The following SOBP variants were observed in gnomAD, a reference collection of about 807,000 sequenced individuals.
SOBP encodes sine oculis binding protein homolog.
Under a neutral mutation model 53.6 loss-of-function variants are expected in SOBP, and 4 were observed. The observed-to-expected ratio is 0.07, with a 90% CI of 0.04 to 0.17. The LOEUF is 0.17. Among genes scored for constraint, SOBP ranks in the 10% least tolerant of loss-of-function variants. The pLI is 1.00. For synonymous variants in SOBP, 584 were observed against 522.6 expected (o/e 1.12, Z -1.60); for missense variants, 1,088 against 1,204.7 (o/e 0.90, Z 1.43).
chr6:107,550,201 G>A (rs1244404739), intron 4 of SOBP, among the ~76,000 whole-genome samples: 2 of 152,236 alleles, frequency 1.3e-5, no homozygotes, highest in Non-Finnish European at 2.9e-5. Flanking sequence ...AAAGGCCAGA[G>A]AGAAGCATAA....
At chr6:107,531,628 A>AT (rs1202002604) in intron 3 of SOBP, among the ~76,000 whole-genome samples, 2 of 151,944 alleles carry the variant, frequency 1.3e-5, no homozygotes, top group African/African-American at 4.8e-5. Context: ...TTATTTTTAA[A>AT]TTTTTTTTGT....
At chr6:107,514,304 G>A (rs1783255300) in intron 3 of SOBP, 1 of 152,170 alleles carries the variant, frequency 6.6e-6, no homozygotes, top group African/African-American at 2.4e-5. Flanking sequence ...GGCAATTAAA[G>A]TGGAGTAGCA....
At chr6:107,623,007 A>G (rs1266114214) in intron 5 of SOBP, among the ~76,000 whole-genome samples, 1 of 152,182 alleles carries the variant, frequency 6.6e-6, no homozygotes, top group African/African-American at 2.4e-5. Flanking sequence ...TTTGACCACC[A>G]TCTGATTAAT....
At chr6:107,585,523 C>T (rs1242005454) in intron 4 of SOBP, among the ~76,000 whole-genome samples, 4 of 152,142 alleles carry the variant, frequency 2.6e-5, no homozygotes, top group Non-Finnish European at 4.4e-5. Context: ...TGGACATGAA[C>T]AACAATTAAA....
At chr6:107,493,777 A>T (rs1400729260) in intron 1 of SOBP, among the ~76,000 whole-genome samples, 1 of 152,238 alleles carries the variant, frequency 6.6e-6, no homozygotes, top group Non-Finnish European at 1.5e-5. Context: ...TATTTATTTT[A>T]AAATGGCTGG....
Position 107,634,573 on chromosome 6 carries a change from C to A in SOBP, c.1729C>A (p.Pro577Thr). Residue 577 changes from proline (P) to threonine (T), a missense_variant, in exon 6 of 7, where the codon CCA becomes ACA. Physicochemically the swap from Pro to Thr is conservative, Grantham distance 38 (BLOSUM62 -1). This residue lies in a region of SOBP where 665 missense variants were observed against 629.7 expected (regional missense o/e 1.06). Transcript: ENST00000317357. This position sits in a 1 kb window ranked among gnomAD's most constrained non-coding sequence, Gnocchi z 4.5. ...CGACTCCGCGGCGGCGGGCGGCAAG[C>A]CAAGCGGACACTCCCTGTCCCCCCG... ...PGDSAAAGGKPSGHSLSPRDS... is the reference protein window; with the variant it reads ...PGDSAAAGGKTSGHSLSPRDS... The A allele has an allele frequency of 6.2e-7, 1 of 1,605,474 alleles. No homozygotes were observed. The highest frequency in any genetic ancestry group is 8.5e-7 in the Non-Finnish European group (1 of 1,179,706).
At chr6:107,553,781 T>C (rs941213438) in intron 4 of SOBP, among the ~76,000 whole-genome samples, 1 of 152,126 alleles carries the variant, frequency 6.6e-6, no homozygotes, top group African/African-American at 2.4e-5. Flanking sequence ...CCACTGTGCC[T>C]GGCCAATTTT....
At chr6:107,533,710 CTTTTA>C in intron 4 of SOBP, 100 bp downstream of exon 4, 1 of 1,448,310 alleles carries the variant, frequency 6.9e-7, no homozygotes, top group Non-Finnish European at 9.6e-7. Flanking sequence ...GCACCTTTTA[CTTTTA>C]TATTTTTATT....
intron 5 of SOBP, among the ~76,000 whole-genome samples, chr6:107,611,211 C>G (rs564942910): frequency 6.6e-6 from 1 of 152,358 alleles, no homozygotes; most frequent in African/African-American, 2.4e-5. Context: ...GACATGAGGT[C>G]TTTGTGGGAC....
At chr6:107,569,230 C>T (rs577796715) in intron 4 of SOBP, among the ~76,000 whole-genome samples, 1 of 152,320 alleles carries the variant, frequency 6.6e-6, no homozygotes, top group South Asian at 2.1e-4. Flanking sequence ...TGGCATCCCA[C>T]TGCAGAACAG....
intron 5 of SOBP, among the ~76,000 whole-genome samples, chr6:107,597,296 T>C (rs911300471): frequency 6.6e-6 from 1 of 152,232 alleles, no homozygotes; most frequent in Non-Finnish European, 1.5e-5. Context: ...CCAAATTGTC[T>C]GGTAATTATG....
intron 4 of SOBP, among the ~76,000 whole-genome samples, chr6:107,569,701 T>G (rs968561500): frequency 2.6e-5 from 4 of 152,234 alleles, no homozygotes; most frequent in African/African-American, 9.6e-5. Flanking sequence ...ACAGTATGCA[T>G]TCAACTGATG....
intron 3 of SOBP, among the ~76,000 whole-genome samples, chr6:107,524,952 T>C (rs1783620050): frequency 6.6e-6 from 1 of 152,242 alleles, no homozygotes; most frequent in African/African-American, 2.4e-5. Context: ...CAAAGATTCT[T>C]AATTGTACAT....
intron 6 of SOBP, among the ~76,000 whole-genome samples, chr6:107,649,810 G>A (rs1254208965): frequency 6.6e-6 from 1 of 152,186 alleles, no homozygotes; most frequent in African/African-American, 2.4e-5. Flanking sequence ...ACTTAGTAAA[G>A]AGGATCCATT....
At chr6:107,567,783 A>T (rs1473134358) in intron 4 of SOBP, among the ~76,000 whole-genome samples, 3 of 152,202 alleles carry the variant, frequency 2.0e-5, no homozygotes, top group African/African-American at 7.2e-5. Context: ...TGGTGTAGAA[A>T]GCAGCTGCTT....
At chr6:107,580,244 C>T (rs1785360585) in intron 4 of SOBP, among the ~76,000 whole-genome samples, 1 of 152,194 alleles carries the variant, frequency 6.6e-6, no homozygotes. Flanking sequence ...GAAAGCCCTC[C>T]ACCCAAGCTG....
chr6:107,622,366 G>A (rs1350627580), intron 5 of SOBP, among the ~76,000 whole-genome samples: 2 of 152,186 alleles, frequency 1.3e-5, no homozygotes, highest in African/African-American at 2.4e-5. Context: ...CTATTAGGTG[G>A]CTAGCAGAGG....
intron 1 of SOBP, among the ~76,000 whole-genome samples, chr6:107,499,691 G>A (rs986445993): frequency 5.3e-5 from 8 of 152,130 alleles, no homozygotes; most frequent in South Asian, 4.1e-4. Context: ...TCTTATATAA[G>A]TAGAAGTTCT....
intron 5 of SOBP, among the ~76,000 whole-genome samples, chr6:107,623,326 G>A (rs747609466): frequency 3.3e-5 from 5 of 152,184 alleles, no homozygotes; most frequent in Non-Finnish European, 5.9e-5. Context: ...GTAACGCTAT[G>A]TTCATAGAAG....
Sources: allele counts gnomAD v4.1 joint callset (sites outside exome capture counted in the v4.1 genomes callset), GRCh38; gene constraint gnomAD v4.1.1; regional missense constraint gnomAD v4.1.1; non-coding constraint Gnocchi (gnomAD v3.1); transcripts MANE v1.5; gene names NCBI Gene and HGNC (gene_info 2026-07-23, HGNC 2026-07-21).